Variants in LPP observed in about 807,000 individuals in gnomAD.
The protein encoded by LPP is LIM domain containing preferred translocation partner in lipoma, also known as lipoma-preferred partner.
Under a neutral mutation model 60.4 loss-of-function variants are expected in LPP, and 38 were observed. That is an observed-to-expected ratio of 0.63 (90% CI 0.49 to 0.83). The LOEUF (loss-of-function observed/expected upper bound fraction) is 0.83. LPP is among the 40% of genes least tolerant of loss of function. The pLI is 0.00. For synonymous variants in LPP, 328 were observed against 290.8 expected, an observed-to-expected ratio of 1.13 and a Z score of -1.30; for missense variants, 902 against 783.6, an observed-to-expected ratio of 1.15 and a Z score of -1.80.
chr3:188,834,626 G>A (rs1757953871), intron 9 of LPP, among the ~76,000 whole-genome samples: 2 of 152,062 alleles, frequency 1.3e-5, no homozygotes, highest in Admixed American at 6.6e-5. Flanking sequence ...GAGTTCCTGC[G>A]ATACAGATAA....
In LPP at chr3:188,200,407, GC is replaced by G. The variant is rs564802400; in HGVS notation, c.-189-24994del. ...TGTGATTACAGGCACATGCCACCAT[GC>G]CCCACTAATTTTTGTATTTTTAGTG... On this transcript the variant is annotated intron_variant, in intron 1 of 11. Coordinates refer to ENST00000617246, the MANE Select transcript of LPP (RefSeq NM_001375462.1). 3.3e-4 allele frequency among the ~76,000 whole-genome samples: 50 copies of G among 152,204 alleles called. No individual in the cohort carries two copies. The East Asian group carries it at 9.1e-3, about 28-fold the overall frequency.
chr3:188,515,097 C>G (rs1816960557), intron 5 of LPP, among the ~76,000 whole-genome samples: 1 of 152,168 alleles, frequency 6.6e-6, no homozygotes, highest in Non-Finnish European at 1.5e-5. Context: ...TTTGATACGG[C>G]TTGGATGCTT....
At chr3:188,163,029 C>T (rs923691788) in intron 1 of LPP, among the ~76,000 whole-genome samples, 5 of 152,150 alleles carry the variant, frequency 3.3e-5, no homozygotes, top group African/African-American at 9.7e-5. Flanking sequence ...CAGACATTCA[C>T]GGGCATTTCC....
intron 7 of LPP, among the ~76,000 whole-genome samples, chr3:188,623,611 A>G (rs1846231194): frequency 6.6e-6 from 1 of 152,182 alleles, no homozygotes; most frequent in Admixed American, 6.5e-5. Context: ...GAGAAAGGGA[A>G]AAAATTATTT....
At chr3:188,731,531 G>GTTTTGTTTTGTTTTGTTTTGTT (rs757819099) in intron 8 of LPP, among the ~76,000 whole-genome samples, 1 of 151,566 alleles carries the variant, frequency 6.6e-6, no homozygotes, top group African/African-American at 2.4e-5. Context: ...GTTTTGTTTT[G>GTTTTGTTTTGTTTTGTTTTGTT]TTTTGTTTTG....
chr3:188,225,100 G>A (rs1717253088), intron 1 of LPP, among the ~76,000 whole-genome samples: 1 of 152,102 alleles, frequency 6.6e-6, no homozygotes, highest in South Asian at 2.1e-4. Context: ...AGGTTTATCT[G>A]TTAATTTTTT....
intron 2 of LPP, among the ~76,000 whole-genome samples, chr3:188,330,525 A>G (rs949153552): frequency 6.6e-6 from 1 of 151,978 alleles, no homozygotes; most frequent in East Asian, 1.9e-4. Context: ...TTTCTTTCCT[A>G]TCCCAAAGTA....
chr3:188,735,088 T>A (rs144894649), intron 8 of LPP, among the ~76,000 whole-genome samples: 20 of 152,332 alleles, frequency 1.3e-4, no homozygotes, highest in Non-Finnish European at 2.5e-4. Flanking sequence ...GAACATACTG[T>A]TGACCCTGAT....
chr3:188,519,207 C>T (rs561041732), intron 5 of LPP, among the ~76,000 whole-genome samples: 139 of 152,232 alleles, frequency 9.1e-4, no homozygotes, highest in Middle Eastern at 3.4e-3. Flanking sequence ...CTACCTTAAT[C>T]GAGTCATCAA....
At chr3:188,792,247 T>C (rs1744002284) in intron 9 of LPP, among the ~76,000 whole-genome samples, 2 of 152,180 alleles carry the variant, frequency 1.3e-5, no homozygotes, top group Admixed American at 1.3e-4. Flanking sequence ...CTGGAATGGT[T>C]CCCGCTTGGA....
chr3:188,348,098 G>C (rs750782069), intron 3 of LPP, among the ~76,000 whole-genome samples: 5 of 152,006 alleles, frequency 3.3e-5, no homozygotes, highest in Non-Finnish European at 7.4e-5. Flanking sequence ...GATTTACTTG[G>C]GTCTCAGGTT....
rs71298537 is a variant in LPP at position 188,731,516 on chromosome 3, T to TTTTTGTTTTG, written c.1240+23139_1240+23148dup. Among the ~76,000 whole-genome samples the TTTTTGTTTTG allele has an allele frequency of 5.7e-3, 828 of 145,814 alleles. 11 individuals carry two copies. Among genetic ancestry groups the TTTTTGTTTTG allele is most frequent in the African/African-American group, 9.5e-3 (371 of 39,234 alleles). ...TGTCTAATCTTTTATTTTTTTGTTTTTTTTGTTTTGTTTTGTTTTGTTTTG... is the reference window on the plus strand; with the variant it reads ...TGTCTAATCTTTTATTTTTTTGTTTTTTTTGTTTTGTTTTGTTTTGTTTTGTTTTGTTTTG... On this transcript the variant is annotated intron_variant, in intron 8 of 11. Coordinates refer to ENST00000617246, the MANE Select transcript of LPP (RefSeq NM_001375462.1).
At chr3:188,574,942 G>A (rs1361486120) in intron 6 of LPP, among the ~76,000 whole-genome samples, 3 of 150,732 alleles carry the variant, frequency 2.0e-5, no homozygotes, top group African/African-American at 4.9e-5. Context: ...TCACTGTTAC[G>A]TTTGCGGCAG....
At chr3:188,486,154 C>T (rs1187167149) in intron 5 of LPP, among the ~76,000 whole-genome samples, 1 of 151,776 alleles carries the variant, frequency 6.6e-6, no homozygotes, top group East Asian at 1.9e-4. Flanking sequence ...TTAAAATATC[C>T]TATAATAAGA....
chr3:188,480,628 G>A (rs549301812), intron 4 of LPP, among the ~76,000 whole-genome samples: 4 of 152,076 alleles, frequency 2.6e-5, no homozygotes, highest in South Asian at 4.1e-4. Context: ...GCCAATTGCC[G>A]GATGGCATTT....
At position 188,575,091 on chromosome 3, in the gene LPP, C is replaced by T. The variant is rs1041298881; in HGVS notation, c.430-34070C>T. ...TTGCGGCCTGAAAAGCTGTGGCTCT[C>T]CTCAATTAAGACTTTCCAAATTGCC... On this transcript the variant is annotated intron_variant, in intron 6 of 11. Transcript: ENST00000617246. 2.6e-5 allele frequency among the ~76,000 whole-genome samples: 4 copies of T among 152,056 alleles called. No individual in the cohort carries two copies. In the South Asian group the frequency reaches 8.3e-4, roughly 31 times the overall value.
chr3:188,400,004 G>T (rs1781871798), intron 3 of LPP, among the ~76,000 whole-genome samples: 1 of 152,142 alleles, frequency 6.6e-6, no homozygotes, highest in Admixed American at 6.5e-5. Flanking sequence ...CCTACGTGGG[G>T]CGGGTCCTGG....
At chr3:188,515,308 G>A (rs1817038288) in intron 5 of LPP, among the ~76,000 whole-genome samples, 1 of 151,980 alleles carries the variant, frequency 6.6e-6, no homozygotes, top group South Asian at 2.1e-4. Context: ...TCCTCCTCTC[G>A]CCATATGACA....
intron 1 of LPP, among the ~76,000 whole-genome samples, chr3:188,183,797 T>A (rs920796060): frequency 6.6e-6 from 1 of 152,126 alleles, no homozygotes; most frequent in Non-Finnish European, 1.5e-5. Context: ...AGTGGCAAGC[T>A]GGGATGTGAA....
Sources: allele counts gnomAD v4.1 joint callset (sites outside exome capture counted in the v4.1 genomes callset), GRCh38; gene constraint gnomAD v4.1.1; transcripts MANE v1.5; gene names NCBI Gene and HGNC (gene_info 2026-07-23, HGNC 2026-07-21).